Variants in CFAP100 observed in about 807,000 individuals in gnomAD.
CFAP100 encodes the protein cilia and flagella associated protein 100.
CFAP100 carries 70 observed loss-of-function variants against 81.5 expected under a neutral mutation model. That is an observed-to-expected ratio of 0.86 (90% CI 0.71 to 1.05). The LOEUF is 1.05. Ranked by LOEUF, CFAP100 falls within the 50% of genes least tolerant of loss-of-function variation. The pLI, the probability that CFAP100 is intolerant of heterozygous loss-of-function variation, is 0.00. For synonymous variants in CFAP100, 341 were observed against 314.8 expected, an observed-to-expected ratio of 1.08 and a Z score of -0.88; for missense variants, 811 against 776.5, an observed-to-expected ratio of 1.04 and a Z score of -0.53.
At chr3:126,413,049 C>T (rs2083181660) in intron 3 of CFAP100, among the ~76,000 whole-genome samples, 5 of 152,242 alleles carry the variant, frequency 3.3e-5, no homozygotes. Flanking sequence ...TACTTCTCTG[C>T]CCCTCTGATC....
intron 2 of CFAP100, 60 bp from the exon 3 acceptor site, chr3:126,407,112 T>C: frequency 8.3e-7 from 1 of 1,208,446 alleles, no homozygotes. Flanking sequence ...CAGGCTGTGT[T>C]CACAGTTCTC....
intron 2 of CFAP100, among the ~76,000 whole-genome samples, chr3:126,400,192 C>T (rs1327327053): frequency 1.3e-5 from 2 of 151,962 alleles, no homozygotes; most frequent in East Asian, 1.9e-4. Context: ...AGCAAACAAC[C>T]CAATTCAAAA....
Position 126,418,521 on chromosome 3 carries a change from T to A in CFAP100, c.482T>A (p.Leu161His), listed in dbSNP as rs1055966189. The change falls in exon 6 of 17, where the codon CTC becomes CAC. Residue 161 changes from leucine (L) to histidine (H), a missense_variant. Transcript: ENST00000352312. Reference protein sequence around the residue: ...YIKQKRQMFLLQYALDVKRRE... With the variant: ...YIKQKRQMFLHQYALDVKRRE... ...AAGCAGAAGCGGCAAATGTTCCTCC[T>A]CCAGGTAGGTCCCGTGGCCCCCAGA... is the stretch of plus-strand genomic sequence containing the variant. 4 of 1,613,968 alleles carry A rather than the reference T, an allele frequency of 2.5e-6. No homozygotes were observed. The African/African-American group carries it at 5.3e-5, about 22-fold the overall frequency.
chr3:126,396,017 C>T lies in CFAP100; in HGVS notation c.17C>T (p.Ser6Phe). ...TCAGCCAAGATGTCTGAGATACCGT[C>T]CACTATAGTCTCCAAGAACATGACC... The part of the protein sequence containing the change: MSEIP[S>F]TIVSKNMTND... The change falls in exon 2 of 17, where the codon TCC becomes TTC. Residue 6 changes from serine to phenylalanine, a missense_variant. Transcript: ENST00000352312. 2 of 1,614,088 alleles carry T rather than the reference C, an allele frequency of 1.2e-6. No individual in the cohort carries two copies. Among genetic ancestry groups the T allele is most frequent in the Non-Finnish European group, 1.7e-6 (2 of 1,179,928 alleles).
chr3:126,425,133 G>A (rs532959071), intron 13 of CFAP100, among the ~76,000 whole-genome samples: 1 of 152,246 alleles, frequency 6.6e-6, no homozygotes, highest in South Asian at 2.1e-4. Context: ...CAGCTTTCCA[G>A]ATAATTGGGC....
At chr3:126,432,553 G>T (rs1319136223) in intron 13 of CFAP100, among the ~76,000 whole-genome samples, 2 of 152,162 alleles carry the variant, frequency 1.3e-5, no homozygotes, top group Non-Finnish European at 2.9e-5. Flanking sequence ...AACATGGAGG[G>T]ACCTTGAAAA....
intron 13 of CFAP100, among the ~76,000 whole-genome samples, chr3:126,427,383 T>A (rs1194537129): frequency 6.6e-6 from 1 of 152,262 alleles, no homozygotes; most frequent in Non-Finnish European, 1.5e-5. Context: ...AATAAATGCA[T>A]GTTATGTGTA....
intron 2 of CFAP100, among the ~76,000 whole-genome samples, chr3:126,398,336 C>T (rs1256945160): frequency 6.6e-6 from 1 of 152,236 alleles, no homozygotes; most frequent in African/African-American, 2.4e-5. Flanking sequence ...GGGCCAGAAC[C>T]CTGCCTGAGC....
chr3:126,421,399 T>A (rs2083330230), intron 11 of CFAP100, among the ~76,000 whole-genome samples: 1 of 152,258 alleles, frequency 6.6e-6, no homozygotes. Context: ...ATTGGTGAAT[T>A]TGGGGCCCTG....
At chr3:126,403,485 A>G (rs1395332626) in intron 2 of CFAP100, among the ~76,000 whole-genome samples, 1 of 151,442 alleles carries the variant, frequency 6.6e-6, no homozygotes, top group African/African-American at 2.4e-5. Flanking sequence ...CCCAGGTTCA[A>G]ATTATCTTCC....
Position 126,433,166 on chromosome 3 carries a change from C to T in CFAP100, c.1384C>T (p.Arg462Ter), listed in dbSNP as rs766533496. Residue 462 changes from arginine (R) to a stop codon, truncating the protein, a stop_gained, in exon 14 of 17, where the codon CGA becomes TGA. Coordinates refer to ENST00000352312, the MANE Select transcript of CFAP100 (RefSeq NM_182628.3). LOFTEE classifies it high-confidence loss of function. ...DTAAELELKARVFHFGEYKGD... is the reference protein window; with the variant it reads ...DTAAELELKA Reference sequence around the variant, plus strand: ...AGCAGCTGAGCTGGAGCTCAAAGCCCGAGTCTTCCACTTCGGCGAGTACAA... The same window carrying T: ...AGCAGCTGAGCTGGAGCTCAAAGCCTGAGTCTTCCACTTCGGCGAGTACAA... 10 of 1,614,196 alleles carry T rather than the reference C, an allele frequency of 6.2e-6. No homozygotes were observed. The highest frequency in any genetic ancestry group is 6.8e-6 in the Non-Finnish European group (8 of 1,180,032).
intron 2 of CFAP100, among the ~76,000 whole-genome samples, chr3:126,402,382 A>G (rs1397398450): frequency 1.3e-5 from 2 of 152,234 alleles, no homozygotes; most frequent in Non-Finnish European, 1.5e-5. Flanking sequence ...GGGAAGCTGC[A>G]GGGTCAGCCA....
intron 4 of CFAP100, among the ~76,000 whole-genome samples, chr3:126,414,773 C>G (rs763655619): frequency 6.6e-6 from 1 of 152,230 alleles, no homozygotes; most frequent in Non-Finnish European, 1.5e-5. Flanking sequence ...GTGGGGACAG[C>G]CCACTCTTGC....
chr3:126,422,621 G>A (rs1201439296), intron 11 of CFAP100, among the ~76,000 whole-genome samples: 11 of 152,192 alleles, frequency 7.2e-5, no homozygotes, highest in Non-Finnish European at 1.3e-4. Flanking sequence ...CCCACACTGA[G>A]TGCTTAAAGC....
At chr3:126,435,009 C>A (rs995196935) in intron 15 of CFAP100, among the ~76,000 whole-genome samples, 1 of 152,146 alleles carries the variant, frequency 6.6e-6, no homozygotes, top group Non-Finnish European at 1.5e-5. Context: ...CTGTGGGCAG[C>A]CCGGTTCATC....
At chr3:126,423,262 C>T in intron 11 of CFAP100, 63 bp from the exon 12 acceptor site, 6 of 1,402,076 alleles carry the variant, frequency 4.3e-6, no homozygotes, top group Non-Finnish European at 5.9e-6. Context: ...CTCTGTGCCC[C>T]CTCCCCTGGC....
intron 13 of CFAP100, among the ~76,000 whole-genome samples, chr3:126,432,518 G>T (rs190417843): frequency 6.0e-4 from 91 of 151,638 alleles, no homozygotes; most frequent in African/African-American, 2.1e-3. Flanking sequence ...GCTATAAAAA[G>T]AAATGAAGTG....
At chr3:126,403,199 T>C (rs1477028915) in intron 2 of CFAP100, among the ~76,000 whole-genome samples, 1 of 149,924 alleles carries the variant, frequency 6.7e-6, no homozygotes, top group Non-Finnish European at 1.5e-5. Context: ...GTCAGGAGAG[T>C]AGGCGGAAAC....
At chr3:126,418,900 G>T in intron 7 of CFAP100, 126 bp downstream of exon 7, 4 of 1,249,392 alleles carry the variant, frequency 3.2e-6, no homozygotes, top group Non-Finnish European at 4.4e-6. Flanking sequence ...CACCAGGGCC[G>T]GTCGGGAGCC....
Sources: allele counts gnomAD v4.1 joint callset (sites outside exome capture counted in the v4.1 genomes callset), GRCh38; gene constraint gnomAD v4.1.1; transcripts MANE v1.5; gene names NCBI Gene and HGNC (gene_info 2026-07-23, HGNC 2026-07-21).